IFTAP: variants seen among roughly 807,000 people sequenced by gnomAD.
The protein encoded by IFTAP is intraflagellar transport-associated protein.
Under a neutral mutation model 19.4 loss-of-function variants are expected in IFTAP, and 19 were observed. The ratio of observed to expected loss-of-function variants is 0.98; its 90% CI spans 0.68 to 1.44. The LOEUF is 1.44. IFTAP is among the 40% of genes most tolerant of loss of function. The pLI is 0.00. For missense variants in IFTAP, 240 were observed against 253.6 expected (o/e 0.95, Z 0.36); for synonymous variants, 85 against 83.5 (o/e 1.02, Z -0.10).
intron 4 of IFTAP, among the ~76,000 whole-genome samples, chr11:36,639,712 T>C (rs946975151): frequency 5.3e-5 from 8 of 152,144 alleles, no homozygotes; most frequent in Non-Finnish European, 8.8e-5. Context: ...CACCAAGCCG[T>C]TCCTGAGGGA....
intron 1 of IFTAP, among the ~76,000 whole-genome samples, chr11:36,606,182 C>T (rs1463354478): frequency 1.1e-4 from 16 of 152,170 alleles, no homozygotes; most frequent in Admixed American, 7.2e-4. Context: ...AATAAGGCCA[C>T]GCGCAGTGGC....
At chr11:36,629,694 C>A (rs1430725133) in intron 2 of IFTAP, among the ~76,000 whole-genome samples, 1 of 151,240 alleles carries the variant, frequency 6.6e-6, no homozygotes, top group African/African-American at 2.5e-5. Context: ...AAGTTTCAAC[C>A]TTTTCAAGGT....
chr11:36,616,754 A>C (rs1423692844), intron 2 of IFTAP, among the ~76,000 whole-genome samples: 1 of 151,984 alleles, frequency 6.6e-6, no homozygotes, highest in South Asian at 2.1e-4. Context: ...ACAGGCCTGC[A>C]CTGTCCAACA....
chr11:36,627,913 G>A lies in IFTAP; in HGVS notation c.137-5371G>A, dbSNP rs566387437. 1.1e-4 allele frequency among the ~76,000 whole-genome samples: 17 copies of A among 151,378 alleles called. 1 individual carries two copies. In the South Asian group the frequency reaches 1.2e-3, roughly 11 times the overall value. ...GTACAGATTGCAGTGGAAAGATAAC[G>A]TGATGATTCTGTGATATCTGGAGAG... On this transcript the variant is annotated intron_variant, in intron 2 of 5. Transcript: ENST00000334307.
intron 3 of IFTAP, among the ~76,000 whole-genome samples, chr11:36,634,070 CTG>C (rs1228921410): frequency 6.6e-6 from 1 of 152,000 alleles, no homozygotes; most frequent in Non-Finnish European, 1.5e-5. Context: ...ACAAAAATCT[CTG>C]TGTTAGAAAT....
chr11:36,632,294 A>G (rs1852759090), intron 2 of IFTAP, among the ~76,000 whole-genome samples: 1 of 151,192 alleles, frequency 6.6e-6, no homozygotes, highest in African/African-American at 2.5e-5. Flanking sequence ...AATATTAAAA[A>G]TAATGTTATG....
At chr11:36,621,378 G>C (rs545792019) in intron 2 of IFTAP, among the ~76,000 whole-genome samples, 1 of 151,994 alleles carries the variant, frequency 6.6e-6, no homozygotes, top group Non-Finnish European at 1.5e-5. Flanking sequence ...ACCACAATCT[G>C]TCTAGTATAT....
chr11:36,613,334 T>G (rs1314878129), intron 2 of IFTAP, among the ~76,000 whole-genome samples: 1 of 152,074 alleles, frequency 6.6e-6, no homozygotes, highest in East Asian at 1.9e-4. Context: ...CCTGTCATAT[T>G]GCTATCATGT....
chr11:36,644,770 T>G (rs1433015631), intron 4 of IFTAP, among the ~76,000 whole-genome samples: 1 of 145,814 alleles, frequency 6.9e-6, no homozygotes, highest in African/African-American at 2.5e-5. Context: ...AAACACTGAA[T>G]GTTCTCACTC....
At chr11:36,644,054 A>G (rs1035870295) in intron 4 of IFTAP, among the ~76,000 whole-genome samples, 6 of 152,230 alleles carry the variant, frequency 3.9e-5, no homozygotes, top group African/African-American at 1.2e-4. Context: ...CATCAGAGTG[A>G]ACAGGCAACC....
intron 2 of IFTAP, among the ~76,000 whole-genome samples, chr11:36,619,208 T>G (rs185590099): frequency 6.6e-6 from 1 of 151,994 alleles, no homozygotes; most frequent in Non-Finnish European, 1.5e-5. Context: ...TGATAAATTT[T>G]GAGTTGTCAT....
At chr11:36,620,891 CAT>C (rs1012395037) in intron 2 of IFTAP, among the ~76,000 whole-genome samples, 1 of 151,698 alleles carries the variant, frequency 6.6e-6, no homozygotes, top group African/African-American at 2.4e-5. Context: ...AAAAGATACA[CAT>C]CTTTTCAATT....
At chr11:36,602,979 G>A (rs879878575) in intron 1 of IFTAP, among the ~76,000 whole-genome samples, 4 of 152,096 alleles carry the variant, frequency 2.6e-5, no homozygotes, top group Non-Finnish European at 4.4e-5. Flanking sequence ...GGAGTGAGTG[G>A]GGAGAGTTCA....
At chr11:36,649,861 A>G (rs539478950) in intron 5 of IFTAP, among the ~76,000 whole-genome samples, 6 of 152,274 alleles carry the variant, frequency 3.9e-5, no homozygotes, top group African/African-American at 1.4e-4. Flanking sequence ...AACTTTTCAC[A>G]ACCGTCTAGA....
At position 36,648,313 on chromosome 11, in the gene IFTAP, G is replaced by A. The variant is rs1016752351; in HGVS notation, c.498+158G>A. Reference sequence around the variant, plus strand: ...CCTCTCACAGCCATCTATCTCAAATGCATACATTTCTTTTTAAACACATAG... The same window carrying A: ...CCTCTCACAGCCATCTATCTCAAATACATACATTTCTTTTTAAACACATAG... On this transcript the variant is annotated intron_variant, in intron 5 of 5. Coordinates refer to ENST00000334307, the MANE Select transcript of IFTAP (RefSeq NM_138787.4). The A allele has an allele frequency of 5.8e-6, 5 of 856,342 alleles. No homozygotes were observed. The African/African-American group carries it at 6.9e-5, about 12-fold the overall frequency. 53.0% of individuals were successfully genotyped at this position (856,342 alleles called of 1,614,324 possible).
At chr11:36,628,541 C>A (rs1429015376) in intron 2 of IFTAP, among the ~76,000 whole-genome samples, 1 of 151,284 alleles carries the variant, frequency 6.6e-6, no homozygotes, top group Non-Finnish European at 1.5e-5. Flanking sequence ...AGTTTGTAAA[C>A]TCTGTGAGGA....
intron 1 of IFTAP, among the ~76,000 whole-genome samples, chr11:36,597,243 G>C (rs1851305938): frequency 6.6e-6 from 1 of 152,174 alleles, no homozygotes; most frequent in African/African-American, 2.4e-5. Flanking sequence ...CACTGGAGTA[G>C]ACCATTGTAT....
At chr11:36,636,218 C>T (rs1212995754) in intron 4 of IFTAP, 101 bp downstream of exon 4, 1 of 850,122 alleles carries the variant, frequency 1.2e-6, no homozygotes, top group Non-Finnish European at 1.9e-6. Context: ...TTACCTCCAC[C>T]TCTCCTAAGA....
intron 1 of IFTAP, among the ~76,000 whole-genome samples, chr11:36,596,227 T>G (rs1054553444): frequency 4.0e-5 from 6 of 150,786 alleles, no homozygotes; most frequent in Non-Finnish European, 8.9e-5. Context: ...TTTTTGTTTT[T>G]TTTTTTTTTT....
Sources: gnomAD v4.1 joint callset for allele counts (sites outside exome capture counted in the v4.1 genomes callset) on GRCh38, gnomAD v4.1.1 for gene constraint, MANE v1.5 for transcripts, NCBI Gene and HGNC (gene_info 2026-07-23, HGNC 2026-07-21) for gene names.